The following NACC2 variants were observed in gnomAD, a reference collection of about 807,000 sequenced individuals.
The protein encoded by NACC2 is NACC family member 2.
In NACC2, 8 loss-of-function variants were observed where a neutral mutation model predicts 25.1. The observed-to-expected ratio is 0.32, with a 90% confidence interval of 0.19 to 0.57. The LOEUF (loss-of-function observed/expected upper bound fraction) is 0.57, where lower values mean the gene tolerates loss of function less well. Ranked by LOEUF, NACC2 falls within the 20% of genes least tolerant of loss-of-function variation. The pLI, the probability that NACC2 is intolerant of heterozygous loss-of-function variation, is 0.89. For missense variants in NACC2, 644 were observed against 650.2 expected (o/e 0.99, Z 0.10); for synonymous variants, 435 against 294.7 (o/e 1.48, Z -4.88).
intron 1 of NACC2, among the ~76,000 whole-genome samples, chr9:136,089,500 T>C (rs1027117260): frequency 2.6e-5 from 4 of 151,872 alleles, no homozygotes; most frequent in African/African-American, 9.7e-5. Context: ...CCCCACCTGG[T>C]GGGGGGCTCC....
At position 136,055,066 on chromosome 9, in the gene NACC2, G is replaced by A. The variant is rs1395931171; in HGVS notation, c.-59-4486C>T. Among the ~76,000 whole-genome samples the A allele has an allele frequency of 2.0e-5, 3 of 152,096 alleles. No homozygotes were observed. In the East Asian group the frequency reaches 5.8e-4, roughly 29 times the overall value. On this transcript the variant is annotated intron_variant, in intron 1 of 5. Coordinates refer to ENST00000277554, the MANE Select transcript of NACC2 (RefSeq NM_144653.5). This position sits in a 1 kb window ranked among gnomAD's most constrained non-coding sequence, Gnocchi z 4.9. ...TACAGGTGGCTGTGGTGTCGGAGTGGGGGGTCTCTCCTCTGCAGAGCCTCA... is the reference window on the plus strand; with the variant it reads ...TACAGGTGGCTGTGGTGTCGGAGTGAGGGGTCTCTCCTCTGCAGAGCCTCA...
intron 2 of NACC2, among the ~76,000 whole-genome samples, chr9:136,033,940 T>TGTGTGA (rs1491487263): frequency 2.5e-4 from 36 of 144,774 alleles, no homozygotes; most frequent in East Asian, 1.5e-3. Flanking sequence ...TGTGTGTGTG[T>TGTGTGA]GAGATATTTG....
At chr9:136,057,872 C>T (rs1005359248) in intron 1 of NACC2, among the ~76,000 whole-genome samples, 2 of 152,228 alleles carry the variant, frequency 1.3e-5, no homozygotes, top group African/African-American at 4.8e-5. Flanking sequence ...CAGAGGTGGG[C>T]AATGGGAGGC....
At position 136,050,557 on chromosome 9, in the gene NACC2, CG is replaced by C; in HGVS notation, c.-37del. 1.3e-6 allele frequency: 1 copy of C among 742,590 alleles called. No individual in the cohort carries two copies. The highest frequency in any genetic ancestry group is 2.4e-6 in the Non-Finnish European group (1 of 408,414). The allele number at this position is 742,590 out of a possible 1,614,324, so 46.0% of individuals were successfully genotyped here. A position where few individuals can be genotyped will look rare whatever the true frequency, so the allele number is the denominator to read the frequency against. On this transcript the variant is annotated 5_prime_UTR_variant, in exon 2 of 6. An upstream open reading frame in the 5' UTR loses its in-frame stop. Transcript: ENST00000277554. ...CAGCGGCGGGGCTGGGCTCTCAGCGCGGGGCGGCCCTAGCGGGGCTCATCTG... is the reference window on the plus strand; with the variant it reads ...CAGCGGCGGGGCTGGGCTCTCAGCGCGGGCGGCCCTAGCGGGGCTCATCTG...
chr9:136,075,502 G>A (rs906515742), intron 1 of NACC2, among the ~76,000 whole-genome samples: 5 of 152,252 alleles, frequency 3.3e-5, no homozygotes, highest in East Asian at 1.9e-4. Context: ...CCTACATCGC[G>A]GTACAGTTTC....
Position 136,020,406 on chromosome 9 carries a change from C to T in NACC2, c.887-3977G>A, listed in dbSNP as rs1033078478. On this transcript the variant is annotated intron_variant, in intron 2 of 5. Transcript: ENST00000277554. The surrounding 1 kb of genome is among the most constrained non-coding windows in gnomAD (Gnocchi z 4.7). ...GCGAGCCCTGTTCCTGTCCCCAAGG[C>T]AGAGTGTGTCATCGGGGACTCGCCC... is the stretch of plus-strand genomic sequence containing the variant. 6.6e-6 allele frequency among the ~76,000 whole-genome samples: 1 copy of T among 152,150 alleles called. No individual in the cohort carries two copies. Among genetic ancestry groups the T allele is most frequent in the Non-Finnish European group, 1.5e-5 (1 of 68,026 alleles).
chr9:136,083,200 A>G (rs761638613), intron 1 of NACC2, among the ~76,000 whole-genome samples: 4 of 152,230 alleles, frequency 2.6e-5, no homozygotes, highest in Admixed American at 6.5e-5. Flanking sequence ...CAGTGGCCAC[A>G]GGGCTCAGGG....
intron 2 of NACC2, among the ~76,000 whole-genome samples, chr9:136,040,213 C>A (rs1273002866): frequency 1.3e-5 from 2 of 151,760 alleles, no homozygotes; most frequent in Admixed American, 6.6e-5. Flanking sequence ...GGCGTGGTGG[C>A]GGGCACCTGT....
chr9:136,078,532 G>T (rs1329448573), intron 1 of NACC2, among the ~76,000 whole-genome samples: 1 of 152,212 alleles, frequency 6.6e-6, no homozygotes, highest in Non-Finnish European at 1.5e-5. Context: ...TTGGAGGTGG[G>T]ACGTGGCCCG....
Position 136,013,103 on chromosome 9 carries a change from G to T in NACC2, c.1255+96C>A. The T allele has an allele frequency of 2.9e-6, 3 of 1,019,406 alleles. No individual in the cohort carries two copies. The highest frequency in any genetic ancestry group is 4.4e-6 in the Non-Finnish European group (3 of 682,660). The allele number at this position is 1,019,406 out of a possible 1,614,324, so 63.1% of individuals were successfully genotyped here. On this transcript the variant is annotated intron_variant, in intron 5 of 5. Coordinates refer to ENST00000277554, the MANE Select transcript of NACC2 (RefSeq NM_144653.5). The surrounding 1 kb of genome is among the most constrained non-coding windows in gnomAD (Gnocchi z 6.6). ...GCCCCCAGGGACGGAAGCTGCAGGT[G>T]GCCGGGAGCACCCCCGCGGCCCACC... is the stretch of plus-strand genomic sequence containing the variant.
At chr9:136,040,564 G>A (rs1451305136) in intron 2 of NACC2, among the ~76,000 whole-genome samples, 4 of 151,998 alleles carry the variant, frequency 2.6e-5, no homozygotes, top group African/African-American at 9.7e-5. Context: ...GCTCACAGCC[G>A]CATTATTCAA....
intron 2 of NACC2, among the ~76,000 whole-genome samples, chr9:136,041,068 G>GA (rs2131154473): frequency 6.7e-6 from 1 of 150,260 alleles, no homozygotes; most frequent in African/African-American, 2.4e-5. Flanking sequence ...GGAAAGGAAG[G>GA]AAGGAAGGAA....
chr9:136,044,526 G>A (rs892109141), intron 2 of NACC2, among the ~76,000 whole-genome samples: 8 of 152,078 alleles, frequency 5.3e-5, no homozygotes, highest in African/African-American at 1.9e-4. Flanking sequence ...CTCCTCTTGG[G>A]CCCCACCCTA....
At chr9:136,068,063 T>A (rs747214378) in intron 1 of NACC2, among the ~76,000 whole-genome samples, 2 of 152,218 alleles carry the variant, frequency 1.3e-5, no homozygotes, top group Non-Finnish European at 2.9e-5. Context: ...ACACTTATCA[T>A]GAATGGAACT....
chr9:136,082,750 C>T (rs1050293992), intron 1 of NACC2, among the ~76,000 whole-genome samples: 1 of 152,208 alleles, frequency 6.6e-6, no homozygotes, highest in Non-Finnish European at 1.5e-5. Context: ...ATCACAGCCC[C>T]CTCTCCCCGG....
intron 1 of NACC2, among the ~76,000 whole-genome samples, chr9:136,069,347 G>A (rs58590758): frequency 0.032 from 4,601 of 145,902 alleles, 141 homozygotes; most frequent in African/African-American, 0.054. Context: ...TCAGGAGGTC[G>A]AGACCAGCCT....
chr9:136,017,288 G>A (rs557195883), intron 2 of NACC2, among the ~76,000 whole-genome samples: 1 of 152,242 alleles, frequency 6.6e-6, no homozygotes, highest in African/African-American at 2.4e-5. Context: ...GAGGCTCCTG[G>A]GCCACACAGC....
At chr9:136,090,251 C>A (rs553398810) in intron 1 of NACC2, among the ~76,000 whole-genome samples, 3 of 152,266 alleles carry the variant, frequency 2.0e-5, no homozygotes, top group Admixed American at 2.0e-4. Flanking sequence ...AGAGGGGATG[C>A]CTCAGGGGTC....
intron 2 of NACC2, among the ~76,000 whole-genome samples, chr9:136,036,509 A>G (rs1840556353): frequency 6.6e-6 from 1 of 152,338 alleles, no homozygotes; most frequent in African/African-American, 2.4e-5. Flanking sequence ...ATATATATAC[A>G]CACATACACA....
Sources: gnomAD v4.1 joint callset for allele counts (sites outside exome capture counted in the v4.1 genomes callset) on GRCh38, gnomAD v4.1.1 for gene constraint, Gnocchi (gnomAD v3.1) non-coding constraint, MANE v1.5 for transcripts, NCBI Gene and HGNC (gene_info 2026-07-23, HGNC 2026-07-21) for gene names.